POU6F2: variants seen among roughly 807,000 people sequenced by gnomAD.
POU6F2 encodes the protein POU class 6 homeobox 2.
Under a neutral mutation model 71.3 loss-of-function variants are expected in POU6F2, and 31 were observed. That is an observed-to-expected ratio of 0.43 (90% CI 0.33 to 0.59). The LOEUF is 0.59. Ranked by LOEUF, POU6F2 falls within the 20% of genes least tolerant of loss-of-function variation. The pLI is 0.04. For synonymous variants in POU6F2, 347 were observed against 355.7 expected (o/e 0.98, Z 0.27); for missense variants, 783 against 856.8 (o/e 0.91, Z 1.07).
intron 1 of POU6F2, among the ~76,000 whole-genome samples, chr7:38,979,220 A>T (rs1334218376): frequency 6.6e-6 from 1 of 151,180 alleles, no homozygotes; most frequent in Non-Finnish European, 1.5e-5. Context: ...TTTTTTGTAC[A>T]CTTTCCAATC....
intron 4 of POU6F2, among the ~76,000 whole-genome samples, chr7:39,269,227 C>CCCA (rs2128756358): frequency 6.6e-6 from 1 of 152,052 alleles, no homozygotes; most frequent in East Asian, 1.9e-4. Context: ...AACCACTGAC[C>CCCA]CCAGGGGAGA....
chr7:39,080,383 A>T (rs1176657053), intron 1 of POU6F2, among the ~76,000 whole-genome samples: 2 of 152,136 alleles, frequency 1.3e-5, no homozygotes, highest in Non-Finnish European at 2.9e-5. Context: ...TTTTGATTTC[A>T]ATTTTTACCT....
intron 4 of POU6F2, among the ~76,000 whole-genome samples, chr7:39,285,039 AG>A (rs561221097): frequency 2.0e-5 from 3 of 152,176 alleles, no homozygotes; most frequent in Non-Finnish European, 2.9e-5. Flanking sequence ...CATCCCTCAC[AG>A]GGGATACCAT....
At position 39,464,211 on chromosome 7, in the gene POU6F2, T is replaced by C. The variant is rs1789015674; in HGVS notation, c.1688T>C (p.Leu563Pro). The part of the protein sequence containing the change: ...RHTILRSHFF[L>P]PQEAQENTIA... ...ACCATCCTGAGAAGCCACTTTTTCC[T>C]ACCACAGGAAGCCCAAGAGAACACT... The change falls in exon 10 of 10, where the codon CTA (leucine) becomes CCA (proline). Residue 563 changes from leucine to proline, a missense_variant. By Grantham distance (98) the Leu-to-Pro change is moderately conservative (BLOSUM62 -3). This residue lies in a region of POU6F2 where 211 missense variants were observed against 283.9 expected (regional missense o/e 0.74). Transcript: ENST00000518318. This position sits in a 1 kb window ranked among gnomAD's most constrained non-coding sequence, Gnocchi z 4.1. 1 of 1,613,766 alleles carries C rather than the reference T, an allele frequency of 6.2e-7. No individual in the cohort carries two copies. Among genetic ancestry groups the C allele is most frequent in the Non-Finnish European group, 8.5e-7 (1 of 1,179,802 alleles).
At chr7:39,227,382 A>C (rs956190369) in intron 4 of POU6F2, among the ~76,000 whole-genome samples, 2 of 151,900 alleles carry the variant, frequency 1.3e-5, no homozygotes, top group Non-Finnish European at 2.9e-5. Context: ...AAATTGTATC[A>C]TGTTGATTTC....
chr7:39,144,267 A>G (rs1420513255), intron 2 of POU6F2, among the ~76,000 whole-genome samples: 1 of 152,236 alleles, frequency 6.6e-6, no homozygotes, highest in Non-Finnish European at 1.5e-5. Flanking sequence ...CATCATATAT[A>G]GGAAATAAAA....
intron 5 of POU6F2, among the ~76,000 whole-genome samples, chr7:39,386,048 G>T (rs1786932748): frequency 6.6e-6 from 1 of 150,618 alleles, no homozygotes; most frequent in Admixed American, 6.6e-5. Context: ...AACCTGGGAG[G>T]CAGAGCTTGC....
chr7:39,055,857 G>A (rs530802004), intron 1 of POU6F2, among the ~76,000 whole-genome samples: 42 of 151,848 alleles, frequency 2.8e-4, no homozygotes, highest in African/African-American at 8.4e-4. Context: ...ATTTTTTCTG[G>A]GATGGGGTGA....
At chr7:39,454,706 ATATATATATATATATAT>A (rs1788754406) in intron 8 of POU6F2, among the ~76,000 whole-genome samples, 5 of 68,456 alleles carry the variant, frequency 7.3e-5, no homozygotes, top group African/African-American at 2.6e-4. Context: ...ATATATATAT[ATATATATATATATATAT>A]ATATAAAATA....
chr7:39,373,424 TC>T, intron 5 of POU6F2: 2 of 456,698 alleles, frequency 4.4e-6, no homozygotes, highest in South Asian at 3.1e-5. Flanking sequence ...ACAGTCATGT[TC>T]CTGTTCTGTA....
chr7:39,000,530 GACAC>G (rs5883670), intron 1 of POU6F2, among the ~76,000 whole-genome samples: 42,952 of 140,924 alleles, frequency 0.3, 6,200 homozygotes, highest in East Asian at 0.44. Context: ...CATACCCACA[GACAC>G]ACACACACAC....
At chr7:39,162,571 TGA>T (rs1793019101) in intron 2 of POU6F2, among the ~76,000 whole-genome samples, 1 of 152,190 alleles carries the variant, frequency 6.6e-6, no homozygotes, top group Non-Finnish European at 1.5e-5. Flanking sequence ...TAAATCTCCA[TGA>T]TGCAAGTTTG....
In POU6F2 at chr7:39,339,769, G is replaced by A. The variant is rs770871137; in HGVS notation, c.726G>A (p.Ser242=). ...CGCAACCAGCCCCACAGGCGCCCTC[G>A]CAGTCCCAGCAGCAGCCGCTGCAGC... ...QHPQPAPQAP[S]QSQQQPLQPT... The change falls in exon 5 of 10, where the codon TCG becomes TCA. Residue 242 remains serine (S), a synonymous_variant. Coordinates refer to ENST00000518318, the MANE Select transcript of POU6F2 (RefSeq NM_001370959.1). The A allele has an allele frequency of 1.3e-5, 21 of 1,582,042 alleles. No homozygotes were observed. Among genetic ancestry groups the A allele is most frequent in the Non-Finnish European group, 1.6e-5 (19 of 1,164,770 alleles).
chr7:39,407,339 T>C (rs763136005), intron 6 of POU6F2, among the ~76,000 whole-genome samples: 1 of 151,664 alleles, frequency 6.6e-6, no homozygotes, highest in South Asian at 2.1e-4. Flanking sequence ...GGCATGCTTG[T>C]TGATTTACTT....
chr7:39,056,424 G>C (rs532533487), intron 1 of POU6F2, among the ~76,000 whole-genome samples: 1 of 151,698 alleles, frequency 6.6e-6, no homozygotes, highest in Non-Finnish European at 1.5e-5. Context: ...CAATATATTC[G>C]AACATAATGC....
At chr7:39,073,042 T>G (rs1003363606) in intron 1 of POU6F2, among the ~76,000 whole-genome samples, 1 of 152,224 alleles carries the variant, frequency 6.6e-6, no homozygotes, top group South Asian at 2.1e-4. Flanking sequence ...ACTTTTTTTA[T>G]GGTAGCTAAT....
chr7:39,257,067 C>T (rs898026032), intron 4 of POU6F2, among the ~76,000 whole-genome samples: 17 of 152,158 alleles, frequency 1.1e-4, no homozygotes, highest in Admixed American at 7.9e-4. Flanking sequence ...GAGGAACTCC[C>T]GTCAACCCTC....
chr7:39,437,297 G>A (rs1303321658), intron 7 of POU6F2, among the ~76,000 whole-genome samples: 1 of 152,156 alleles, frequency 6.6e-6, no homozygotes, highest in Non-Finnish European at 1.5e-5. Context: ...CTCAATTTCA[G>A]AACTTGTTAT....
chr7:39,394,632 G>A (rs1787137193), intron 5 of POU6F2, among the ~76,000 whole-genome samples: 1 of 152,290 alleles, frequency 6.6e-6, no homozygotes, highest in South Asian at 2.1e-4. Flanking sequence ...GACATTCAGA[G>A]CATAGCCAGC....
Sources: gnomAD v4.1 joint callset for allele counts (sites outside exome capture counted in the v4.1 genomes callset) on GRCh38, gnomAD v4.1.1 for gene constraint, gnomAD v4.1.1 regional missense constraint, Gnocchi (gnomAD v3.1) non-coding constraint, MANE v1.5 for transcripts, NCBI Gene and HGNC (gene_info 2026-07-23, HGNC 2026-07-21) for gene names.